The following XYLB variants were observed in gnomAD, a reference collection of about 807,000 sequenced individuals.
XYLB encodes xylulokinase.
XYLB carries 62 observed loss-of-function variants against 78.7 expected under a neutral mutation model. The observed-to-expected ratio is 0.79, with a 90% CI of 0.64 to 0.97. The LOEUF (loss-of-function observed/expected upper bound fraction) is 0.97, where lower values mean the gene tolerates loss of function less well. XYLB is among the 50% of genes least tolerant of loss of function. The pLI, the probability that XYLB is intolerant of heterozygous loss-of-function variation, is 0.00. For synonymous variants in XYLB, 245 were observed against 247.4 expected, an observed-to-expected ratio of 0.99 and a Z score of 0.09; for missense variants, 687 against 676.8, an observed-to-expected ratio of 1.02 and a Z score of -0.17.
rs754607364 is a variant in XYLB, at chr3:38,412,986, G to C, written c.1584G>C (p.Leu528Phe). ...ATGCCAAACTCGAGCAGAGAATCTT[G>C]TCTCAGACCCGGGGGCCTCCGGAGT... ...PQYAKLEQRI[L>F]SQTRGPPE is the part of the protein sequence containing the mutation. The change falls in exon 19 of 19, where the codon TTG becomes TTC. Residue 528 changes from leucine (L) to phenylalanine (F), a missense_variant. Leu to Phe is a conservative substitution (Grantham distance 22, BLOSUM62 0). Coordinates refer to ENST00000207870, the MANE Select transcript of XYLB (RefSeq NM_005108.4). The C allele has an allele frequency of 6.2e-7, 1 of 1,603,184 alleles. No homozygotes were observed.
At chr3:38,370,786 C>A (rs185866662) in intron 9 of XYLB, among the ~76,000 whole-genome samples, 1 of 152,224 alleles carries the variant, frequency 6.6e-6, no homozygotes, top group Non-Finnish European at 1.5e-5. Flanking sequence ...ATCACAGCGG[C>A]CCCACCCATT....
chr3:38,448,225 G>T, the XYLB span, among the ~76,000 whole-genome samples: 2 of 152,088 alleles, frequency 1.3e-5, no homozygotes, highest in East Asian at 3.8e-4. Context: ...ACAGAGACTG[G>T]GAGGGGTGAG....
intron 2 of XYLB, among the ~76,000 whole-genome samples, chr3:38,354,060 T>C (rs767029031): frequency 3.3e-5 from 5 of 152,050 alleles, no homozygotes; most frequent in African/African-American, 4.8e-5. Flanking sequence ...CCCAGCTCTG[T>C]AATATGTTTG....
intron 1 of XYLB, 77 bp downstream of exon 1, chr3:38,347,002 A>C: frequency 7.7e-7 from 1 of 1,301,314 alleles, no homozygotes; most frequent in East Asian, 3.2e-5. Context: ...TGTCACCCGG[A>C]CGCGGGAAAA....
At chr3:38,434,709 A>C in the XYLB span, among the ~76,000 whole-genome samples, 1 of 152,242 alleles carries the variant, frequency 6.6e-6, no homozygotes, top group Non-Finnish European at 1.5e-5. Context: ...CCAAGCCACA[A>C]TGACAATAAG....
downstream of XYLB, among the ~76,000 whole-genome samples, chr3:38,425,665 G>A (rs1026376853): frequency 3.3e-5 from 5 of 152,178 alleles, no homozygotes; most frequent in African/African-American, 1.2e-4. Context: ...TGGGGTAGAG[G>A]TTATGCTTGT....
intron 2 of XYLB, 134 bp from the exon 3 acceptor site, chr3:38,360,205 G>T (rs567927946): frequency 2.4e-6 from 2 of 831,042 alleles, no homozygotes; most frequent in Non-Finnish European, 4.1e-6. Context: ...TCAATCAACA[G>T]TTCCCACTTG....
chr3:38,426,503 A>G, the XYLB span, among the ~76,000 whole-genome samples: 4 of 152,226 alleles, frequency 2.6e-5, no homozygotes, highest in African/African-American at 9.6e-5. Context: ...CAGGAACTGA[A>G]GTGCTTGAAG....
In XYLB at chr3:38,379,276, C is replaced by G; in HGVS notation, c.1225C>G (p.Arg409Gly). The change falls in exon 15 of 19, where the codon CGA becomes GGA. Residue 409 changes from arginine to glycine, a missense_variant. By Grantham distance (125) the Arg-to-Gly change is moderately radical. Transcript: ENST00000207870. ...VAAFPGDVEVRALIEGQFMAK... is the reference protein window; with the variant it reads ...VAAFPGDVEVGALIEGQFMAK... ...AGCATTCCCTGGGGATGTGGAGGTT[C>G]GAGCACTAATTGAAGGACAATTCAT... 1 of 1,614,120 alleles carries G rather than the reference C, an allele frequency of 6.2e-7. No homozygotes were observed. Among genetic ancestry groups the G allele is most frequent in the South Asian group, 1.1e-5 (1 of 91,082 alleles).
chr3:38,423,847 C>T (rs1709048923), downstream of XYLB, among the ~76,000 whole-genome samples: 1 of 152,204 alleles, frequency 6.6e-6, no homozygotes, highest in Non-Finnish European at 1.5e-5. Flanking sequence ...TAGCTCCTGA[C>T]AAAATTCAGA....
intron 3 of XYLB, among the ~76,000 whole-genome samples, chr3:38,362,319 G>T (rs1167525697): frequency 2.6e-5 from 4 of 152,172 alleles, no homozygotes; most frequent in African/African-American, 7.2e-5. Context: ...GCTCACTATA[G>T]CCTCAATCTC....
intron 18 of XYLB, among the ~76,000 whole-genome samples, chr3:38,410,090 A>G (rs1708509493): frequency 3.3e-5 from 5 of 152,238 alleles, no homozygotes; most frequent in Admixed American, 3.3e-4. Context: ...ATCCTAAGCC[A>G]AAAGAACAAA....
At chr3:38,374,172 C>A (rs1008618255) in intron 10 of XYLB, among the ~76,000 whole-genome samples, 1 of 152,142 alleles carries the variant, frequency 6.6e-6, no homozygotes, top group Non-Finnish European at 1.5e-5. Flanking sequence ...CTCCTTGATT[C>A]TCTGCACTCT....
intron 11 of XYLB, 32 bp downstream of exon 11, chr3:38,374,534 T>G: frequency 1.9e-6 from 3 of 1,613,270 alleles, no homozygotes; most frequent in Non-Finnish European, 2.5e-6. Flanking sequence ...ATAGGCTCTT[T>G]CTGTTTCCAC....
chr3:38,366,358 T>G (rs565111792), intron 6 of XYLB, among the ~76,000 whole-genome samples: 26 of 152,228 alleles, frequency 1.7e-4, no homozygotes, highest in Non-Finnish European at 2.5e-4. Flanking sequence ...CAAGGGTTAT[T>G]CACTCAGGGT....
chr3:38,357,522 A>G (rs936230867), intron 2 of XYLB, among the ~76,000 whole-genome samples: 10 of 151,924 alleles, frequency 6.6e-5, no homozygotes, highest in Middle Eastern at 3.4e-3. Flanking sequence ...TAGTAGCTGG[A>G]ACTACAGGCA....
chr3:38,410,539 C>G (rs1326601105), intron 18 of XYLB, among the ~76,000 whole-genome samples: 1 of 152,164 alleles, frequency 6.6e-6, no homozygotes, highest in Non-Finnish European at 1.5e-5. Context: ...CAAATGGGAT[C>G]TAATTAAACT....
At chr3:38,412,870 A>G in intron 18 of XYLB, 66 bp from the exon 19 acceptor site, 2 of 1,396,144 alleles carry the variant, frequency 1.4e-6, no homozygotes, top group Non-Finnish European at 2.0e-6. Flanking sequence ...TTTAAATTGC[A>G]AAGTGCAACC....
intron 18 of XYLB, among the ~76,000 whole-genome samples, chr3:38,403,018 C>T (rs187965055): frequency 1.6e-4 from 25 of 152,110 alleles, no homozygotes; most frequent in Non-Finnish European, 3.1e-4. Flanking sequence ...AATGTGGGGC[C>T]GGATGCAGTG....
Sources: allele counts gnomAD v4.1 joint callset (sites outside exome capture counted in the v4.1 genomes callset), GRCh38; gene constraint gnomAD v4.1.1; transcripts MANE v1.5; gene names NCBI Gene and HGNC (gene_info 2026-07-23, HGNC 2026-07-21).